The following ELF1 variants were observed in gnomAD, a reference collection of about 807,000 sequenced individuals.
ELF1 encodes the protein E74 like ETS transcription factor 1, also known as ETS-related transcription factor Elf-1.
Under a neutral mutation model 59.9 loss-of-function variants are expected in ELF1, and 24 were observed. The observed-to-expected ratio is 0.40, with a 90% confidence interval of 0.29 to 0.56. The LOEUF (loss-of-function observed/expected upper bound fraction) is 0.56. ELF1 is among the 20% of genes least tolerant of loss of function. The pLI is 0.44. For synonymous variants in ELF1, 248 were observed against 266.2 expected (o/e 0.93, Z 0.67); for missense variants, 627 against 742.2 (o/e 0.84, Z 1.80).
chr13:40,943,083 A>G lies in ELF1; in HGVS notation c.675T>C (p.Pro225=). The change falls in exon 7 of 9, where the codon CCT becomes CCC. Residue 225 remains proline, a synonymous_variant. Transcript: ENST00000239882. The part of the protein sequence containing the change: ...LALLQDKATC[P]KYIKWTQREK... Reference sequence around the variant, plus strand: ...CTCGCTGGGTCCACTTGATGTATTTAGGACAAGTAGCCTTGTCCTGGAGCA... The same window carrying G: ...CTCGCTGGGTCCACTTGATGTATTTGGGACAAGTAGCCTTGTCCTGGAGCA... 1.2e-6 allele frequency: 2 copies of G among 1,610,628 alleles called. No individual in the cohort carries two copies. Among genetic ancestry groups the G allele is most frequent in the Non-Finnish European group, 1.7e-6 (2 of 1,177,836 alleles).
chr13:41,036,151 C>T (rs1449959005), intron 1 of ELF1, among the ~76,000 whole-genome samples: 3 of 151,780 alleles, frequency 2.0e-5, no homozygotes, highest in Non-Finnish European at 4.4e-5. Context: ...CTCCTGATCC[C>T]GTGATCCACC....
intron 1 of ELF1, among the ~76,000 whole-genome samples, chr13:41,000,501 G>T (rs536841359): frequency 2.0e-5 from 3 of 151,876 alleles, no homozygotes; most frequent in African/African-American, 4.8e-5. Context: ...GATTACAGGC[G>T]TGAGCCACCA....
intron 3 of ELF1, among the ~76,000 whole-genome samples, chr13:40,955,208 C>A (rs1871167406): frequency 2.0e-5 from 3 of 150,016 alleles, no homozygotes; most frequent in Admixed American, 1.3e-4. Context: ...GCCCCTCCGC[C>A]CGGCAGCCAC....
intron 2 of ELF1, among the ~76,000 whole-genome samples, chr13:40,980,856 T>C (rs1371125953): frequency 6.6e-6 from 1 of 152,188 alleles, no homozygotes; most frequent in Admixed American, 6.5e-5. Context: ...TATTAATATA[T>C]TTTTAATCAA....
chr13:41,014,884 TGAA>T (rs1425421564), intron 1 of ELF1, among the ~76,000 whole-genome samples: 1 of 152,002 alleles, frequency 6.6e-6, no homozygotes, highest in East Asian at 1.9e-4. Context: ...GTTAAATATC[TGAA>T]GAAGCTTCAA....
intron 1 of ELF1, among the ~76,000 whole-genome samples, chr13:41,007,120 A>G (rs557370738): frequency 6.6e-6 from 1 of 152,114 alleles, no homozygotes; most frequent in East Asian, 1.9e-4. Flanking sequence ...TGCACAAAGC[A>G]TCCTATCTTC....
chr13:40,940,200 G>A (rs1397167704), intron 8 of ELF1, among the ~76,000 whole-genome samples: 2 of 152,050 alleles, frequency 1.3e-5, no homozygotes, highest in African/African-American at 2.4e-5. Context: ...AGAAATTCAT[G>A]ACAGTATAAA....
intron 1 of ELF1, among the ~76,000 whole-genome samples, chr13:41,047,278 C>G (rs191195057): frequency 6.6e-6 from 1 of 152,222 alleles, no homozygotes; most frequent in African/African-American, 2.4e-5. Context: ...TCTCTCAACT[C>G]GTCAAAGTCA....
chr13:40,934,264 T>C (rs1054667841), intron 8 of ELF1, among the ~76,000 whole-genome samples: 5 of 152,112 alleles, frequency 3.3e-5, no homozygotes, highest in Non-Finnish European at 5.9e-5. Flanking sequence ...CTGAGTGCTA[T>C]GGAAGAAAGG....
intron 2 of ELF1, among the ~76,000 whole-genome samples, chr13:40,962,520 TA>T (rs958313339): frequency 6.6e-6 from 1 of 151,120 alleles, no homozygotes; most frequent in African/African-American, 2.4e-5. Context: ...TTGTCTTTAC[TA>T]AAAAAATACA....
chr13:40,939,962 T>C, intron 8 of ELF1, among the ~76,000 whole-genome samples: 1 of 152,172 alleles, frequency 6.6e-6, no homozygotes, highest in East Asian at 1.9e-4. Flanking sequence ...AGAGAATATT[T>C]TCACAAGGTC....
chr13:40,958,228 A>G (rs1871577464), intron 3 of ELF1, among the ~76,000 whole-genome samples: 1 of 152,226 alleles, frequency 6.6e-6, no homozygotes, highest in Non-Finnish European at 1.5e-5. Flanking sequence ...ATATCTTACT[A>G]GTTCTGACTG....
chr13:40,967,613 G>C (rs1872261285), intron 2 of ELF1, among the ~76,000 whole-genome samples: 1 of 152,140 alleles, frequency 6.6e-6, no homozygotes, highest in South Asian at 2.1e-4. Flanking sequence ...ATTTTTTTGA[G>C]ACAGGGTCTT....
At chr13:41,010,925 A>G (rs1875029996) in intron 1 of ELF1, among the ~76,000 whole-genome samples, 1 of 152,190 alleles carries the variant, frequency 6.6e-6, no homozygotes, top group Admixed American at 6.6e-5. Flanking sequence ...AACCTGGGTT[A>G]AGATCTATGT....
intron 1 of ELF1, among the ~76,000 whole-genome samples, chr13:41,001,015 C>T (rs1165833821): frequency 2.0e-5 from 3 of 150,350 alleles, no homozygotes; most frequent in Admixed American, 1.3e-4. Flanking sequence ...CTCACTCTGT[C>T]GCCCAGGCCA....
At chr13:41,003,762 C>T (rs1170069483) in intron 1 of ELF1, among the ~76,000 whole-genome samples, 1 of 152,102 alleles carries the variant, frequency 6.6e-6, no homozygotes, top group Non-Finnish European at 1.5e-5. Context: ...ATTTTTGATG[C>T]TTAGCGAGCT....
intron 2 of ELF1, among the ~76,000 whole-genome samples, chr13:40,966,208 T>C: frequency 6.6e-6 from 1 of 152,256 alleles, no homozygotes. Flanking sequence ...AACTAAAATC[T>C]ATCAAAGATC....
intron 5 of ELF1, among the ~76,000 whole-genome samples, chr13:40,949,200 G>T (rs1393407000): frequency 6.6e-6 from 1 of 151,816 alleles, no homozygotes; most frequent in Non-Finnish European, 1.5e-5. Context: ...TGGCCAGGCT[G>T]GTCTCAAACC....
intron 1 of ELF1, among the ~76,000 whole-genome samples, chr13:41,041,532 G>A (rs531810305): frequency 1.1e-4 from 16 of 152,190 alleles, no homozygotes; most frequent in East Asian, 1.9e-4. Flanking sequence ...AAGATTAGCC[G>A]GGTGTGGTGA....
Sources: allele counts gnomAD v4.1 joint callset (sites outside exome capture counted in the v4.1 genomes callset), GRCh38; gene constraint gnomAD v4.1.1; transcripts MANE v1.5; gene names NCBI Gene and HGNC (gene_info 2026-07-23, HGNC 2026-07-21).